The following JARID2 variants were observed in gnomAD, a reference collection of about 807,000 sequenced individuals.
JARID2 encodes protein Jumonji.
Under a neutral mutation model 125.6 loss-of-function variants are expected in JARID2, and 21 were observed. That is an observed-to-expected ratio of 0.17 (90% CI 0.12 to 0.24). JARID2 has a LOEUF of 0.24. JARID2 is among the 10% of genes least tolerant of loss of function. The probability of loss-of-function intolerance (pLI) is 1.00; values close to 1 mark genes in which losing one functional copy is unlikely to be tolerated. For missense variants in JARID2, 1,303 were observed against 1,639.6 expected, an observed-to-expected ratio of 0.79 and a Z score of 3.55; for synonymous variants, 736 against 661.6, an observed-to-expected ratio of 1.11 and a Z score of -1.73.
intron 1 of JARID2, among the ~76,000 whole-genome samples, chr6:15,285,479 C>G (rs149173077): frequency 9.9e-5 from 15 of 152,012 alleles, no homozygotes; most frequent in African/African-American, 3.4e-4. Flanking sequence ...TATGGGAAGT[C>G]AGTTAACTAG....
chr6:15,344,535 CT>C (rs58040233), intron 1 of JARID2, among the ~76,000 whole-genome samples: 18,045 of 144,348 alleles, frequency 0.13, 1,597 homozygotes, highest in African/African-American at 0.25. Flanking sequence ...GTGTACAATT[CT>C]TTTTTTTTTT....
intron 4 of JARID2, among the ~76,000 whole-genome samples, chr6:15,454,882 C>G (rs562852370): frequency 6.6e-6 from 1 of 152,222 alleles, no homozygotes; most frequent in South Asian, 2.1e-4. Context: ...GAATCTTGTG[C>G]TGGATTGGCT....
intron 1 of JARID2, among the ~76,000 whole-genome samples, chr6:15,355,734 C>T (rs1763577410): frequency 6.6e-6 from 1 of 152,112 alleles, no homozygotes; most frequent in Non-Finnish European, 1.5e-5. Flanking sequence ...GCCTCGGTCT[C>T]CAGAGGAGGT....
intron 1 of JARID2, among the ~76,000 whole-genome samples, chr6:15,249,934 G>A (rs1016780996): frequency 3.9e-5 from 6 of 152,140 alleles, no homozygotes; most frequent in African/African-American, 1.4e-4. Flanking sequence ...ACAGTTGCAT[G>A]TTTTGCTCTA....
At chr6:15,455,046 A>G (rs973733091) in intron 4 of JARID2, among the ~76,000 whole-genome samples, 5 of 152,122 alleles carry the variant, frequency 3.3e-5, no homozygotes, top group African/African-American at 9.7e-5. Context: ...ATTCAGGTAT[A>G]TCTAGCCGCG....
chr6:15,415,380 T>C (rs576055891), intron 3 of JARID2, among the ~76,000 whole-genome samples: 9 of 142,240 alleles, frequency 6.3e-5, no homozygotes, highest in African/African-American at 2.4e-4. Flanking sequence ...CTCACTTCCC[T>C]GTAGGGGCGG....
Position 15,246,361 on chromosome 6 carries a change from A to T in JARID2, c.-179A>T. Reference sequence around the variant, plus strand: ...CTTTGGCTCTTTTTTTTTCCTTCCCAATTTCGGATTTATTTCAAGGCGAAT... The same window carrying T: ...CTTTGGCTCTTTTTTTTTCCTTCCCTATTTCGGATTTATTTCAAGGCGAAT... On this transcript the variant is annotated 5_prime_UTR_variant, in exon 1 of 18. Coordinates refer to ENST00000341776, the MANE Select transcript of JARID2 (RefSeq NM_004973.4). 2 of 546,792 alleles carry T rather than the reference A, an allele frequency of 3.7e-6. No homozygotes were observed. The highest frequency in any genetic ancestry group is 6.5e-6 in the Non-Finnish European group (2 of 309,294). 33.9% of individuals were successfully genotyped at this position (546,792 alleles called of 1,614,324 possible).
intron 2 of JARID2, among the ~76,000 whole-genome samples, chr6:15,408,732 A>G (rs1291826527): frequency 6.6e-6 from 1 of 152,216 alleles, no homozygotes; most frequent in Admixed American, 6.5e-5. Flanking sequence ...TTTCTTATCC[A>G]CACTGGGCAT....
At chr6:15,395,340 G>A (rs1377777974) in intron 2 of JARID2, among the ~76,000 whole-genome samples, 6 of 152,132 alleles carry the variant, frequency 3.9e-5, no homozygotes, top group Non-Finnish European at 7.3e-5. Context: ...TTGTCGCCCA[G>A]GCTGGAGTGC....
chr6:15,303,442 C>G (rs1231789237), intron 1 of JARID2, among the ~76,000 whole-genome samples: 1 of 152,280 alleles, frequency 6.6e-6, no homozygotes, highest in African/African-American at 2.4e-5. Flanking sequence ...TGGCCAGAGG[C>G]TTATTGCCTC....
intron 1 of JARID2, among the ~76,000 whole-genome samples, chr6:15,288,105 G>A (rs1761070097): frequency 6.6e-6 from 1 of 152,140 alleles, no homozygotes; most frequent in Non-Finnish European, 1.5e-5. Flanking sequence ...TGGTATGGTG[G>A]CATATTAGGC....
chr6:15,501,451 G>A, intron 8 of JARID2, 42 bp downstream of exon 8: 2 of 1,507,300 alleles, frequency 1.3e-6, no homozygotes, highest in Non-Finnish European at 8.8e-7. Context: ...CTGCAGGAGT[G>A]CGGGAGGAAT....
In JARID2 at chr6:15,286,124, G is replaced by T. The variant is rs902916785; in HGVS notation, c.45+39540G>T. ...AGCGCCATCTACAAGCCAATTGCTT[G>T]ACTCTCCTTTGGGTGAGTGGCTAAG... On this transcript the variant is annotated intron_variant, in intron 1 of 17. Coordinates refer to ENST00000341776, the MANE Select transcript of JARID2 (RefSeq NM_004973.4). 1.6e-4 allele frequency among the ~76,000 whole-genome samples: 24 copies of T among 152,260 alleles called. No individual in the cohort carries two copies. The East Asian group carries it at 4.1e-3, about 26-fold the overall frequency.
chr6:15,391,210 G>A (rs1201128731), intron 2 of JARID2, among the ~76,000 whole-genome samples: 1 of 152,200 alleles, frequency 6.6e-6, no homozygotes, highest in Non-Finnish European at 1.5e-5. Flanking sequence ...TTGGCGAGCT[G>A]AGACTGCTGC....
intron 17 of JARID2, among the ~76,000 whole-genome samples, chr6:15,518,209 C>A (rs1362877469): frequency 6.6e-6 from 1 of 152,196 alleles, no homozygotes; most frequent in Non-Finnish European, 1.5e-5. Context: ...GGCTCTGGCA[C>A]CTTGTGGGGG....
intron 1 of JARID2, among the ~76,000 whole-genome samples, chr6:15,262,038 C>T (rs773420113): frequency 1.9e-4 from 29 of 151,974 alleles, no homozygotes; most frequent in Non-Finnish European, 4.0e-4. Flanking sequence ...CCTCAACCTC[C>T]GAAAGTGCTG....
At chr6:15,252,036 A>G (rs569994696) in intron 1 of JARID2, among the ~76,000 whole-genome samples, 4 of 151,872 alleles carry the variant, frequency 2.6e-5, no homozygotes, top group African/African-American at 9.7e-5. Context: ...AAAGAGTGAG[A>G]CTCCATTCAA....
Position 15,281,924 on chromosome 6 carries a change from C to CTGTGTG in JARID2, c.45+35376_45+35381dup, listed in dbSNP as rs3138771. 7.8e-3 allele frequency among the ~76,000 whole-genome samples: 1,146 copies of CTGTGTG among 146,236 alleles called. 7 individuals carry two copies. The highest frequency in any genetic ancestry group is 0.017 in the Middle Eastern group (5 of 288). ...AAGTGCAGGGTCCAGGGTATGTGCT[C>CTGTGTG]TGTGTGTGTGTGTGTGTGTGTGTGT... On this transcript the variant is annotated intron_variant, in intron 1 of 17. Transcript: ENST00000341776.
At position 15,371,517 on chromosome 6, in the gene JARID2, C is replaced by T. The variant is rs571216993; in HGVS notation, c.46-2600C>T. ...TCAGCCTAATAAGCATTAACTCCTC[C>T]TGCAGTTAACACTATCATTCAGTTG... is the stretch of plus-strand genomic sequence containing the variant. On this transcript the variant is annotated intron_variant, in intron 1 of 17. Coordinates refer to ENST00000341776, the MANE Select transcript of JARID2 (RefSeq NM_004973.4). 3.9e-5 allele frequency among the ~76,000 whole-genome samples: 6 copies of T among 152,300 alleles called. No homozygotes were observed. The South Asian group carries it at 1.2e-3, about 32-fold the overall frequency.
Sources: allele counts gnomAD v4.1 joint callset (sites outside exome capture counted in the v4.1 genomes callset), GRCh38; gene constraint gnomAD v4.1.1; transcripts MANE v1.5; gene names NCBI Gene and HGNC (gene_info 2026-07-23, HGNC 2026-07-21).